CADPS: variants seen among roughly 807,000 people sequenced by gnomAD.
CADPS encodes the protein calcium-dependent secretion activator 1.
Under a neutral mutation model 167.3 loss-of-function variants are expected in CADPS, and 57 were observed. That is an observed-to-expected ratio of 0.34 (90% CI 0.28 to 0.42). CADPS has a LOEUF of 0.42. Among genes scored for constraint, CADPS ranks in the 20% least tolerant of loss-of-function variants. The probability of loss-of-function intolerance (pLI) is 1.00; values close to 1 mark genes in which losing one functional copy is unlikely to be tolerated. For missense variants in CADPS, 1,414 were observed against 1,738.1 expected, an observed-to-expected ratio of 0.81 and a Z score of 3.32; for synonymous variants, 676 against 635.3, an observed-to-expected ratio of 1.06 and a Z score of -0.96.
chr3:62,634,451 T>C (rs1033788243), intron 6 of CADPS, among the ~76,000 whole-genome samples: 5 of 152,184 alleles, frequency 3.3e-5, no homozygotes, highest in African/African-American at 7.2e-5. Context: ...CATATGAAGA[T>C]TTTTTACTCC....
At chr3:62,779,427 G>T in intron 1 of CADPS, 2 of 504,688 alleles carry the variant, frequency 4.0e-6, no homozygotes, top group South Asian at 3.3e-5. Context: ...TTTCATTCTT[G>T]ATTATTCTGT....
intron 21 of CADPS, 76 bp from the exon 22 acceptor site, chr3:62,481,945 G>A: frequency 7.1e-7 from 1 of 1,410,298 alleles, no homozygotes; most frequent in Non-Finnish European, 9.8e-7. Context: ...CACGACAATT[G>A]TAAATAAATT....
At chr3:62,477,311 T>TG (rs149662841) in intron 23 of CADPS, among the ~76,000 whole-genome samples, 10 of 102,360 alleles carry the variant, frequency 9.8e-5, no homozygotes, top group African/African-American at 3.3e-4. Context: ...GCTTGCAATC[T>TG]GGGTTTTTTT....
Position 62,518,144 on chromosome 3 carries a change from C to T in CADPS, c.2393+5G>A. ...AATTAAAGCTCTCCAGCCCCAGATC[C>T]TTACCTAAAATGTGTAATCTGATTT... On this transcript the variant is annotated splice_donor_5th_base_variant and intron_variant, in intron 14 of 29. Transcript: ENST00000383710. 1 of 1,602,414 alleles carries T rather than the reference C, an allele frequency of 6.2e-7. No homozygotes were observed. Among genetic ancestry groups the T allele is most frequent in the Non-Finnish European group, 8.5e-7 (1 of 1,170,536 alleles).
At position 62,635,285 on chromosome 3, in the gene CADPS, G is replaced by A. The variant is rs564300412; in HGVS notation, c.1325+10437C>T. On this transcript the variant is annotated intron_variant, in intron 6 of 29. Coordinates refer to ENST00000383710, the MANE Select transcript of CADPS (RefSeq NM_003716.4). ...TGACATCACATGGCAGGGCAGAACT[G>A]GGACAACACACCCAGAGCCTTCTGC... is the stretch of plus-strand genomic sequence containing the variant. Among the ~76,000 whole-genome samples, 38 of 152,238 alleles carry A rather than the reference G, an allele frequency of 2.5e-4. No individual in the cohort carries two copies. In the East Asian group the frequency reaches 7.0e-3, roughly 28 times the overall value.
intron 11 of CADPS, among the ~76,000 whole-genome samples, chr3:62,545,773 T>C (rs1057193256): frequency 6.6e-6 from 1 of 152,182 alleles, no homozygotes; most frequent in African/African-American, 2.4e-5. Context: ...TCCCAAGTTT[T>C]CCAAACTATA....
At position 62,874,441 on chromosome 3, in the gene CADPS, TG is replaced by T; in HGVS notation, c.441+147del. 1.6e-6 allele frequency: 1 copy of T among 631,084 alleles called. No homozygotes were observed. Among genetic ancestry groups the T allele is most frequent in the Non-Finnish European group, 2.7e-6 (1 of 372,794 alleles). 39.1% of individuals were successfully genotyped at this position (631,084 alleles called of 1,614,324 possible). On this transcript the variant is annotated intron_variant, in intron 1 of 29. Transcript: ENST00000383710. The surrounding 1 kb of genome is among the most constrained non-coding windows in gnomAD (Gnocchi z 7.1). Reference sequence around the variant, plus strand: ...GCTGGGCCTGGGCGAGCCCGGCCGCTGGGAGGGGGCCTCGTAGCCCTTTCCC... The same window carrying T: ...GCTGGGCCTGGGCGAGCCCGGCCGCTGGAGGGGGCCTCGTAGCCCTTTCCC...
At chr3:62,408,647 A>C (rs1387333371) in intron 28 of CADPS, among the ~76,000 whole-genome samples, 1 of 152,200 alleles carries the variant, frequency 6.6e-6, no homozygotes, top group Non-Finnish European at 1.5e-5. Context: ...CATGATAGCC[A>C]CTCTCATTTA....
intron 1 of CADPS, among the ~76,000 whole-genome samples, chr3:62,789,403 G>A (rs943178170): frequency 1.1e-4 from 17 of 152,160 alleles, no homozygotes; most frequent in African/African-American, 4.1e-4. Flanking sequence ...CCCCAAAAGG[G>A]GAGTAGGAGT....
intron 6 of CADPS, among the ~76,000 whole-genome samples, chr3:62,632,771 C>G (rs527449530): frequency 6.6e-6 from 1 of 152,002 alleles, no homozygotes; most frequent in Admixed American, 6.6e-5. Context: ...GAAGGGAATG[C>G]GTTTATTTTT....
intron 13 of CADPS, among the ~76,000 whole-genome samples, chr3:62,523,356 T>C (rs2071219799): frequency 6.6e-6 from 1 of 152,174 alleles, no homozygotes; most frequent in Admixed American, 6.6e-5. Flanking sequence ...ATGTGAAACA[T>C]TTTAATATTT....
chr3:62,716,076 TTG>T (rs199811298), intron 3 of CADPS, among the ~76,000 whole-genome samples: 1 of 136,170 alleles, frequency 7.3e-6, no homozygotes. Context: ...CACTTTTTTT[TTG>T]AGACAGAGTT....
intron 28 of CADPS, among the ~76,000 whole-genome samples, chr3:62,416,011 G>A (rs1240411710): frequency 6.6e-6 from 1 of 151,970 alleles, no homozygotes; most frequent in African/African-American, 2.4e-5. Flanking sequence ...TAACAAAATT[G>A]TTTGAAAGAA....
chr3:62,416,139 G>C (rs993977097), intron 28 of CADPS, among the ~76,000 whole-genome samples: 1 of 152,158 alleles, frequency 6.6e-6, no homozygotes, highest in South Asian at 2.1e-4. Flanking sequence ...GTTGAGGGCA[G>C]GAGATTAAGC....
At chr3:62,733,303 A>C (rs1304398835) in intron 3 of CADPS, among the ~76,000 whole-genome samples, 1 of 152,220 alleles carries the variant, frequency 6.6e-6, no homozygotes, top group East Asian at 1.9e-4. Context: ...AAATGTAATG[A>C]AGGCAAAGAT....
At position 62,445,757 on chromosome 3, in the gene CADPS, A is replaced by T; in HGVS notation, c.3669+8T>A. On this transcript the variant is annotated splice_region_variant and intron_variant, in intron 27 of 29. Transcript: ENST00000383710. ...AAACCCCATGAGAAACAATTTTCAA[A>T]TACTCACAGGTACATCCACATATTT... is the stretch of plus-strand genomic sequence containing the variant. The T allele has an allele frequency of 6.5e-7, 1 of 1,528,420 alleles. No homozygotes were observed. Among genetic ancestry groups the T allele is most frequent in the Middle Eastern group, 1.8e-4 (1 of 5,650 alleles). The allele number at this position is 1,528,420 out of a possible 1,614,324, so 94.7% of individuals were successfully genotyped here. A position where few individuals can be genotyped will look rare whatever the true frequency, so the allele number is the denominator to read the frequency against.
chr3:62,526,719 C>T (rs145906737), intron 13 of CADPS, among the ~76,000 whole-genome samples: 3 of 152,258 alleles, frequency 2.0e-5, no homozygotes, highest in South Asian at 2.1e-4. Flanking sequence ...TCCTTTTTCT[C>T]CTGTCTCTCT....
intron 23 of CADPS, among the ~76,000 whole-genome samples, chr3:62,475,569 G>A (rs2061166115): frequency 9.0e-6 from 1 of 110,936 alleles, no homozygotes; most frequent in South Asian, 3.3e-4. Flanking sequence ...CTAAGGTTGG[G>A]AGCCCAGTTC....
At chr3:62,584,388 C>A (rs2084111013) in intron 8 of CADPS, among the ~76,000 whole-genome samples, 2 of 152,198 alleles carry the variant, frequency 1.3e-5, no homozygotes, top group South Asian at 4.1e-4. Flanking sequence ...ATTAACGAGA[C>A]CTCTCTAGGG....
Sources: allele counts gnomAD v4.1 joint callset (sites outside exome capture counted in the v4.1 genomes callset), GRCh38; gene constraint gnomAD v4.1.1; non-coding constraint Gnocchi (gnomAD v3.1); transcripts MANE v1.5; gene names NCBI Gene and HGNC (gene_info 2026-07-23, HGNC 2026-07-21).